CELF2: variants seen among roughly 807,000 people sequenced by gnomAD.
CELF2 encodes CUG triplet repeat RNA-binding protein 2.
Under a neutral mutation model 62.6 loss-of-function variants are expected in CELF2, and 8 were observed. The observed-to-expected ratio is 0.13, with a 90% CI of 0.07 to 0.23. CELF2 has a LOEUF of 0.23. Among genes scored for constraint, CELF2 ranks in the 10% least tolerant of loss-of-function variants. The pLI, the probability that CELF2 is intolerant of heterozygous loss-of-function variation, is 1.00. For missense variants in CELF2, 333 were observed against 671.0 expected (o/e 0.50, Z 5.56); for synonymous variants, 258 against 250.0 (o/e 1.03, Z -0.30).
chr10:10,807,057 GC>G (rs1193172447), intron 1 of CELF2, among the ~76,000 whole-genome samples: 36 of 152,122 alleles, frequency 2.4e-4, no homozygotes, highest in South Asian at 2.1e-4. Flanking sequence ...TTATATAAGT[GC>G]AGCAAAAATA....
At chr10:10,661,954 A>T in the CELF2 span, among the ~76,000 whole-genome samples, 2 of 152,178 alleles carry the variant, frequency 1.3e-5, no homozygotes, top group African/African-American at 4.8e-5. Flanking sequence ...TGTTGAGGAC[A>T]GCCCTGCTCC....
the CELF2 span, among the ~76,000 whole-genome samples, chr10:10,693,978 AT>A: frequency 6.6e-6 from 1 of 151,208 alleles, no homozygotes; most frequent in Non-Finnish European, 1.5e-5. Flanking sequence ...GGATTCATTA[AT>A]TTTTTGAAGG....
chr10:11,231,991 C>T (rs2136415577), intron 3 of CELF2, among the ~76,000 whole-genome samples: 1 of 151,832 alleles, frequency 6.6e-6, no homozygotes, highest in African/African-American at 2.4e-5. Context: ...TACCACCGCC[C>T]CATCTTTTTT....
rs2062850560 is a variant in CELF2 at position 11,214,728 on chromosome 10, C to T, written c.272-2697C>T. On this transcript the variant is annotated intron_variant, in intron 2 of 12. Coordinates refer to ENST00000633077, the MANE Select transcript of CELF2 (RefSeq NM_001326342.2). This position sits in a 1 kb window ranked among gnomAD's most constrained non-coding sequence, Gnocchi z 4.2. ...GTGTCACACTGGAACTAGAGCTTCT[C>T]TTGGCATGATGTTAAAGAATACCTG... Among the ~76,000 whole-genome samples, 1 of 152,218 alleles carries T rather than the reference C, an allele frequency of 6.6e-6. No homozygotes were observed. The highest frequency in any genetic ancestry group is 2.4e-5 in the African/African-American group (1 of 41,456).
At chr10:10,655,139 A>T in the CELF2 span, among the ~76,000 whole-genome samples, 2 of 149,988 alleles carry the variant, frequency 1.3e-5, no homozygotes, top group Non-Finnish European at 3.0e-5. Context: ...AGAGAATAAA[A>T]TACTTAGGAA....
At chr10:10,940,253 G>C (rs150820340) in intron 2 of CELF2, among the ~76,000 whole-genome samples, 2 of 152,122 alleles carry the variant, frequency 1.3e-5, no homozygotes, top group Non-Finnish European at 2.9e-5. Flanking sequence ...TTTTTGTTTT[G>C]TTTGTTTTTT....
intron 1 of CELF2, among the ~76,000 whole-genome samples, chr10:10,854,993 C>T (rs2059618681): frequency 6.6e-6 from 1 of 152,078 alleles, no homozygotes; most frequent in Non-Finnish European, 1.5e-5. Flanking sequence ...CTCTGCCCAA[C>T]AAACAGAAGT....
chr10:11,306,881 A>G lies in CELF2; in HGVS notation c.977-7258A>G, dbSNP rs1242010029. The stretch of plus-strand genomic sequence containing the variant: ...AGGAAGCCAGGGTGTAAAGAGACCT[A>G]ATTTGCATATTGATTCATTGTCATC... On this transcript the variant is annotated intron_variant, in intron 9 of 12. Coordinates refer to ENST00000633077, the MANE Select transcript of CELF2 (RefSeq NM_001326342.2). The surrounding 1 kb of genome is among the most constrained non-coding windows in gnomAD (Gnocchi z 4.4). 6.6e-6 allele frequency among the ~76,000 whole-genome samples: 1 copy of G among 152,168 alleles called. No homozygotes were observed. The highest frequency in any genetic ancestry group is 1.5e-5 in the Non-Finnish European group (1 of 68,024).
Position 10,983,978 on chromosome 10 carries a change from G to A in CELF2, c.89+63979G>A, listed in dbSNP as rs902061437. Among the ~76,000 whole-genome samples the A allele has an allele frequency of 1.3e-5, 2 of 152,190 alleles. No individual in the cohort carries two copies. The highest frequency in any genetic ancestry group is 2.9e-5 in the Non-Finnish European group (2 of 68,034). On this transcript the variant is annotated intron_variant, in intron 2 of 13. Coordinates refer to the CELF2 transcript ENST00000636488. The surrounding 1 kb of genome is among the most constrained non-coding windows in gnomAD (Gnocchi z 5.2). Reference sequence around the variant, plus strand: ...CTACTGAACTATTAAGTTGCGAATGGAAGACTTATAACCACACATGTGAAT... The same window carrying A: ...CTACTGAACTATTAAGTTGCGAATGAAAGACTTATAACCACACATGTGAAT...
intron 1 of CELF2, among the ~76,000 whole-genome samples, chr10:11,135,208 A>T (rs577681472): frequency 9.8e-5 from 15 of 152,306 alleles, no homozygotes; most frequent in African/African-American, 3.6e-4. Flanking sequence ...GCTCTCTCTT[A>T]ACTTAAAATA....
the CELF2 span, among the ~76,000 whole-genome samples, chr10:10,587,915 T>A: frequency 1.3e-5 from 2 of 152,158 alleles, no homozygotes; most frequent in Admixed American, 6.5e-5. Flanking sequence ...CCCGCAGATT[T>A]GGGAAAAGGT....
chr10:10,882,361 AT>A (rs1193703552), intron 1 of CELF2, among the ~76,000 whole-genome samples: 8 of 152,240 alleles, frequency 5.3e-5, no homozygotes, highest in Non-Finnish European at 1.0e-4. Flanking sequence ...CAGAACTGAA[AT>A]GTGGTTTCCC....
the CELF2 span, among the ~76,000 whole-genome samples, chr10:10,489,889 G>T: frequency 6.6e-6 from 1 of 151,848 alleles, no homozygotes; most frequent in Non-Finnish European, 1.5e-5. Context: ...AAGAATCTAT[G>T]TGAGTACAGG....
intron 1 of CELF2, among the ~76,000 whole-genome samples, chr10:11,050,818 C>T (rs1319077846): frequency 6.6e-6 from 1 of 152,194 alleles, no homozygotes; most frequent in African/African-American, 2.4e-5. Context: ...CCCTTCCCTG[C>T]CTTGCATGCA....
rs146371245 is a variant in CELF2 at position 11,329,820 on chromosome 10, G to C, written c.*767G>C. On this transcript the variant is annotated 3_prime_UTR_variant, in exon 13 of 13. Coordinates refer to ENST00000633077, the MANE Select transcript of CELF2 (RefSeq NM_001326342.2). The surrounding 1 kb of genome is among the most constrained non-coding windows in gnomAD (Gnocchi z 5.5). The stretch of plus-strand genomic sequence containing the variant: ...TGAAAATACTTGATGTTTCTTGAAA[G>C]ATAAATTTAATAATAATAAATAAAT... 2.0e-5 allele frequency: 3 copies of C among 151,938 alleles called. No individual in the cohort carries two copies. The East Asian group carries it at 5.8e-4, about 29-fold the overall frequency. 9.4% of individuals were successfully genotyped at this position (151,938 alleles called of 1,614,324 possible). A position where few individuals can be genotyped will look rare whatever the true frequency, so the allele number is the denominator to read the frequency against.
At chr10:10,676,638 A>C in the CELF2 span, among the ~76,000 whole-genome samples, 1 of 152,178 alleles carries the variant, frequency 6.6e-6, no homozygotes, top group Non-Finnish European at 1.5e-5. Flanking sequence ...GTTGCCAGTT[A>C]CAGTTCCAGT....
the CELF2 span, among the ~76,000 whole-genome samples, chr10:10,689,941 G>A: frequency 1.3e-5 from 2 of 152,132 alleles, no homozygotes; most frequent in African/African-American, 4.8e-5. Flanking sequence ...GACATTCCAA[G>A]CACCAGTCAG....
rs17368107 is a variant in CELF2 at position 11,094,020 on chromosome 10, A to G, written c.75-71466A>G. On this transcript the variant is annotated intron_variant, in intron 1 of 12. Coordinates refer to ENST00000633077, the MANE Select transcript of CELF2 (RefSeq NM_001326342.2). ...CAGATGAGATCAGACCAACCACACA[A>G]CAGTCGATATGAGTTCTCGGAGATT... Among the ~76,000 whole-genome samples, 296 of 152,266 alleles carry G rather than the reference A, an allele frequency of 1.9e-3. 2 individuals are homozygous for G. Among genetic ancestry groups the G allele is most frequent in the Admixed American group, 6.9e-3 (105 of 15,302 alleles).
intron 1 of CELF2, among the ~76,000 whole-genome samples, chr10:11,056,326 T>A (rs1436260436): frequency 6.6e-6 from 1 of 152,268 alleles, no homozygotes; most frequent in Non-Finnish European, 1.5e-5. Context: ...TCGATGTTTT[T>A]ATAAATCACG....
Sources: allele counts gnomAD v4.1 joint callset (sites outside exome capture counted in the v4.1 genomes callset), GRCh38; gene constraint gnomAD v4.1.1; non-coding constraint Gnocchi (gnomAD v3.1); transcripts MANE v1.5; gene names NCBI Gene and HGNC (gene_info 2026-07-23, HGNC 2026-07-21).